Variants in RGS7 observed in about 807,000 individuals in gnomAD.
RGS7 encodes regulator of G protein signaling 7.
RGS7 carries 27 observed loss-of-function variants against 81.1 expected under a neutral mutation model. The ratio of observed to expected loss-of-function variants is 0.33; its 90% CI spans 0.25 to 0.46. RGS7 has a LOEUF of 0.46. Ranked by LOEUF, RGS7 falls within the 20% of genes least tolerant of loss-of-function variation. The pLI is 1.00. For missense variants in RGS7, 396 were observed against 607.4 expected (o/e 0.65, Z 3.66); for synonymous variants, 208 against 207.7 (o/e 1.00, Z -0.01).
At chr1:241,355,640 G>GAA in intron 2 of RGS7, 59 bp downstream of exon 2, 1 of 1,478,460 alleles carries the variant, frequency 6.8e-7, no homozygotes, top group African/African-American at 1.4e-5. Flanking sequence ...TCTAGAGGGG[G>GAA]AAAAAAATCG....
intron 18 of RGS7, among the ~76,000 whole-genome samples, chr1:240,798,600 T>C (rs3901167): frequency 0.062 from 9,371 of 152,214 alleles, 341 homozygotes; most frequent in South Asian, 0.084. Context: ...TCCCTAACTA[T>C]GTGACTCTGG....
intron 2 of RGS7, among the ~76,000 whole-genome samples, chr1:241,204,806 T>C (rs1036601663): frequency 1.4e-4 from 21 of 152,188 alleles, no homozygotes; most frequent in Middle Eastern, 3.4e-3. Flanking sequence ...GCAGCAATTA[T>C]GTGAGATGAT....
At chr1:241,000,133 G>A (rs772959856) in intron 3 of RGS7, among the ~76,000 whole-genome samples, 1 of 152,130 alleles carries the variant, frequency 6.6e-6, no homozygotes, top group Non-Finnish European at 1.5e-5. Context: ...ACTCCAGGGT[G>A]GAGAAGTGGG....
chr1:240,796,416 T>G (rs1687071993), intron 18 of RGS7, among the ~76,000 whole-genome samples: 2 of 152,178 alleles, frequency 1.3e-5, no homozygotes, highest in Non-Finnish European at 2.9e-5. Flanking sequence ...CTGGGCACAG[T>G]GGCTCACACC....
chr1:241,018,773 A>G (rs1438431441), intron 3 of RGS7, among the ~76,000 whole-genome samples: 2 of 151,828 alleles, frequency 1.3e-5, no homozygotes, highest in African/African-American at 2.4e-5. Flanking sequence ...TTTTTCCTCT[A>G]CTTTCCCTAC....
intron 2 of RGS7, among the ~76,000 whole-genome samples, chr1:241,153,027 G>A (rs2068863447): frequency 6.6e-6 from 1 of 152,200 alleles, no homozygotes; most frequent in Non-Finnish European, 1.5e-5. Context: ...TTATTTTAAA[G>A]ATCGATGAGT....
intron 6 of RGS7, among the ~76,000 whole-genome samples, chr1:240,915,516 A>G (rs1374259794): frequency 1.3e-5 from 2 of 152,192 alleles, no homozygotes; most frequent in African/African-American, 4.8e-5. Flanking sequence ...GGAAAACCCA[A>G]AGACAACAGC....
chr1:241,306,509 C>T (rs1207677251), intron 2 of RGS7, among the ~76,000 whole-genome samples: 1 of 151,686 alleles, frequency 6.6e-6, no homozygotes, highest in East Asian at 1.9e-4. Context: ...CAAACACCCT[C>T]ACATGGCCAT....
chr1:240,827,036 G>T, intron 10 of RGS7, 62 bp downstream of exon 10: 1 of 1,323,874 alleles, frequency 7.6e-7, no homozygotes, highest in Non-Finnish European at 1.1e-6. Flanking sequence ...TGTTTTTATG[G>T]CTGACGTCCT....
intron 2 of RGS7, among the ~76,000 whole-genome samples, chr1:241,221,026 G>A (rs1397903126): frequency 4.7e-5 from 5 of 105,274 alleles, no homozygotes; most frequent in African/African-American, 1.7e-4. Flanking sequence ...AGGAAGGAAG[G>A]AAGGAAGGAA....
At chr1:241,314,038 T>G (rs2080714896) in intron 2 of RGS7, among the ~76,000 whole-genome samples, 1 of 152,230 alleles carries the variant, frequency 6.6e-6, no homozygotes, top group African/African-American at 2.4e-5. Flanking sequence ...AAAGTGGTTT[T>G]TTGAGATGGA....
chr1:240,823,598 C>T (rs1692222692), intron 10 of RGS7, among the ~76,000 whole-genome samples: 2 of 152,212 alleles, frequency 1.3e-5, no homozygotes, highest in African/African-American at 4.8e-5. Flanking sequence ...GGCGACAAGA[C>T]GACACGCCGC....
chr1:241,318,353 T>C (rs1398695397), intron 2 of RGS7, among the ~76,000 whole-genome samples: 6 of 152,196 alleles, frequency 3.9e-5, no homozygotes, highest in African/African-American at 1.2e-4. Context: ...CTCTCCACTG[T>C]AAAAAGTCAT....
At chr1:241,302,510 CT>C in intron 2 of RGS7, among the ~76,000 whole-genome samples, 1 of 152,270 alleles carries the variant, frequency 6.6e-6, no homozygotes, top group African/African-American at 2.4e-5. Flanking sequence ...GATCACGCCA[CT>C]GCACTCCAGC....
intron 2 of RGS7, among the ~76,000 whole-genome samples, chr1:241,236,470 C>T (rs965945127): frequency 1.3e-5 from 2 of 151,972 alleles, no homozygotes; most frequent in Non-Finnish European, 1.5e-5. Flanking sequence ...TAAGGACTTC[C>T]GCGCACCCAT....
In RGS7 at chr1:240,830,581, G is replaced by C. The variant is rs189575969; in HGVS notation, c.610-3409C>G. 2.0e-5 allele frequency among the ~76,000 whole-genome samples: 3 copies of C among 152,288 alleles called. No homozygotes were observed. The East Asian group carries it at 5.8e-4, about 29-fold the overall frequency. Reference sequence around the variant, plus strand: ...TAATCATTTATCCACAAATGACCGAGTCATCTAAACCAACTATTTCAATTA... The same window carrying C: ...TAATCATTTATCCACAAATGACCGACTCATCTAAACCAACTATTTCAATTA... On this transcript the variant is annotated intron_variant, in intron 9 of 18. Transcript: ENST00000440928.
intron 6 of RGS7, among the ~76,000 whole-genome samples, chr1:240,913,494 C>T (rs1672091408): frequency 6.6e-6 from 1 of 151,818 alleles, no homozygotes; most frequent in Admixed American, 6.6e-5. Context: ...TTTTAAGATG[C>T]CTTAAATGTT....
At chr1:241,146,022 A>G (rs373842731) in intron 2 of RGS7, among the ~76,000 whole-genome samples, 1 of 152,158 alleles carries the variant, frequency 6.6e-6, no homozygotes, top group East Asian at 1.9e-4. Context: ...ACCGTTTTTT[A>G]TCTCTTGGCT....
chr1:240,806,545 TA>T (rs1688878289), intron 14 of RGS7, among the ~76,000 whole-genome samples: 1 of 148,110 alleles, frequency 6.8e-6, no homozygotes, highest in African/African-American at 2.4e-5. Flanking sequence ...AAAATATTAA[TA>T]AAAATATTTT....
Sources: gnomAD v4.1 joint callset for allele counts (sites outside exome capture counted in the v4.1 genomes callset) on GRCh38, gnomAD v4.1.1 for gene constraint, MANE v1.5 for transcripts, NCBI Gene and HGNC (gene_info 2026-07-23, HGNC 2026-07-21) for gene names.